ENPP6: variants seen among roughly 807,000 people sequenced by gnomAD.
ENPP6 encodes the protein ectonucleotide pyrophosphatase/phosphodiesterase 6.
In ENPP6, 32 loss-of-function variants were observed where a neutral mutation model predicts 42.0. The observed-to-expected ratio is 0.76, with a 90% CI of 0.58 to 1.02. ENPP6 has a LOEUF of 1.02. ENPP6 is among the 50% of genes least tolerant of loss of function. The pLI is 0.00. For missense variants in ENPP6, 552 were observed against 566.8 expected (o/e 0.97, Z 0.27); for synonymous variants, 213 against 216.0 (o/e 0.99, Z 0.12).
intron 6 of ENPP6, among the ~76,000 whole-genome samples, chr4:184,109,230 C>CA (rs1178618298): frequency 7.3e-4 from 81 of 111,200 alleles, no homozygotes; most frequent in African/African-American, 2.4e-3. Context: ...ACAACAACAA[C>CA]AACAAAAAAA....
chr4:184,202,675 G>A (rs568859646), intron 1 of ENPP6, among the ~76,000 whole-genome samples: 1 of 152,260 alleles, frequency 6.6e-6, no homozygotes, highest in Admixed American at 6.5e-5. Flanking sequence ...TCATTTAGAA[G>A]TTGCTTTTTT....
chr4:184,139,623 T>C, intron 2 of ENPP6, among the ~76,000 whole-genome samples: 1 of 125,392 alleles, frequency 8.0e-6, no homozygotes, highest in Non-Finnish European at 1.7e-5. Flanking sequence ...GGTTTTTTGT[T>C]CTTGCGATAG....
chr4:184,092,549 A>G (rs1035233516), intron 7 of ENPP6, among the ~76,000 whole-genome samples: 2 of 152,236 alleles, frequency 1.3e-5, no homozygotes, highest in African/African-American at 4.8e-5. Flanking sequence ...ATTTCAATCA[A>G]GGGATTTCTT....
intron 2 of ENPP6, among the ~76,000 whole-genome samples, chr4:184,128,343 G>C (rs964832082): frequency 6.6e-6 from 1 of 152,046 alleles, no homozygotes; most frequent in African/African-American, 2.4e-5. Context: ...ACCATGCCTG[G>C]CTAATTTTTG....
At chr4:184,139,366 A>G (rs555937314) in intron 2 of ENPP6, among the ~76,000 whole-genome samples, 18 of 150,214 alleles carry the variant, frequency 1.2e-4, no homozygotes, top group Non-Finnish European at 2.5e-4. Context: ...TAAATTTATT[A>G]TTATTATACT....
At chr4:184,135,974 A>AT in intron 2 of ENPP6, among the ~76,000 whole-genome samples, 1 of 152,272 alleles carries the variant, frequency 6.6e-6, no homozygotes, top group African/African-American at 2.4e-5. Flanking sequence ...ATTTTCTGAT[A>AT]TTTTTGTGTT....
chr4:184,092,845 T>C (rs1288916496), intron 7 of ENPP6, among the ~76,000 whole-genome samples: 1 of 152,250 alleles, frequency 6.6e-6, no homozygotes, highest in Non-Finnish European at 1.5e-5. Context: ...ATAATCTTTG[T>C]AATTGCTTTG....
intron 1 of ENPP6, among the ~76,000 whole-genome samples, chr4:184,206,879 G>T (rs1183698152): frequency 1.3e-5 from 2 of 152,220 alleles, no homozygotes; most frequent in African/African-American, 2.4e-5. Context: ...CTGCTTCCCG[G>T]ACTGTCTTGG....
chr4:184,183,318 A>G (rs6842767), intron 1 of ENPP6, among the ~76,000 whole-genome samples: 17,196 of 152,238 alleles, frequency 0.11, 1,350 homozygotes, highest in African/African-American at 0.23. Flanking sequence ...TTAGATTGGC[A>G]TCCTTTGCAC....
At chr4:184,093,915 T>C (rs992829466) in intron 7 of ENPP6, among the ~76,000 whole-genome samples, 1 of 152,072 alleles carries the variant, frequency 6.6e-6, no homozygotes, top group African/African-American at 2.4e-5. Context: ...GGCCATGCCT[T>C]GCTGTGTGTG....
intron 6 of ENPP6, among the ~76,000 whole-genome samples, chr4:184,112,058 G>A (rs1281766291): frequency 6.6e-6 from 1 of 152,184 alleles, no homozygotes; most frequent in Non-Finnish European, 1.5e-5. Context: ...GGAATGAACT[G>A]TAAACATGAC....
Position 184,099,560 on chromosome 4 carries a change from G to A in ENPP6, c.994-2192C>T, listed in dbSNP as rs574676128. Among the ~76,000 whole-genome samples, 19 of 152,366 alleles carry A rather than the reference G, an allele frequency of 1.2e-4. No individual in the cohort carries two copies. In the East Asian group the frequency reaches 3.3e-3, roughly 26 times the overall value. The stretch of plus-strand genomic sequence containing the variant: ...TGCCCGGGCAGTATGCAGCCGGGCA[G>A]TGTGGGTTGTGAGGGCTGAGCCTGC... On this transcript the variant is annotated intron_variant, in intron 6 of 7. Transcript: ENST00000296741.
rs536202296 is a variant in ENPP6, at chr4:184,206,358, C to T, written c.241+11221G>A. On this transcript the variant is annotated intron_variant, in intron 1 of 7. Coordinates refer to ENST00000296741, the MANE Select transcript of ENPP6 (RefSeq NM_153343.4). ...CTGCAAGCTCCGCCTCCCGGGTTCCCGCCATTCTCCTGCCTCAGCCTCCCG... is the reference window on the plus strand; with the variant it reads ...CTGCAAGCTCCGCCTCCCGGGTTCCTGCCATTCTCCTGCCTCAGCCTCCCG... Among the ~76,000 whole-genome samples, 8 of 114,570 alleles carry T rather than the reference C, an allele frequency of 7.0e-5. No homozygotes were observed. In the South Asian group the frequency reaches 2.1e-3, roughly 30 times the overall value. The allele number at this position is 114,570 out of a possible 152,430, so 75.2% of individuals were successfully genotyped here. A position where few individuals can be genotyped will look rare whatever the true frequency, so the allele number is the denominator to read the frequency against.
intron 1 of ENPP6, among the ~76,000 whole-genome samples, chr4:184,178,094 A>G (rs970717042): frequency 6.6e-6 from 1 of 152,202 alleles, no homozygotes; most frequent in Non-Finnish European, 1.5e-5. Context: ...AGCATGTTCT[A>G]ACCCAATGCA....
chr4:184,186,896 C>T (rs1454703700), intron 1 of ENPP6, among the ~76,000 whole-genome samples: 1 of 152,198 alleles, frequency 6.6e-6, no homozygotes, highest in Non-Finnish European at 1.5e-5. Context: ...TACCCCCCTA[C>T]TCAGAACCCT....
intron 2 of ENPP6, among the ~76,000 whole-genome samples, chr4:184,131,187 T>TCTGTCTGTCTG (rs1736611313): frequency 1.5e-5 from 1 of 65,218 alleles, no homozygotes; most frequent in African/African-American, 6.7e-5. Context: ...CTTTCTTTCT[T>TCTGTCTGTCTG]TCTTTCTTTC....
At chr4:184,109,662 C>T (rs533035802) in intron 6 of ENPP6, among the ~76,000 whole-genome samples, 48 of 152,178 alleles carry the variant, frequency 3.2e-4, no homozygotes, top group Non-Finnish European at 6.3e-4. Context: ...TTCTACTTCA[C>T]TTATCTTTGA....
At chr4:184,108,378 T>A (rs1736138955) in intron 6 of ENPP6, among the ~76,000 whole-genome samples, 1 of 152,188 alleles carries the variant, frequency 6.6e-6, no homozygotes, top group African/African-American at 2.4e-5. Flanking sequence ...GGGCAAAACT[T>A]AACATTCTTT....
chr4:184,158,983 T>C (rs1220605754), intron 1 of ENPP6, among the ~76,000 whole-genome samples: 1 of 152,232 alleles, frequency 6.6e-6, no homozygotes, highest in East Asian at 1.9e-4. Flanking sequence ...CAAAGTTATT[T>C]TCCAGTACAG....
Sources: allele counts gnomAD v4.1 joint callset (sites outside exome capture counted in the v4.1 genomes callset), GRCh38; gene constraint gnomAD v4.1.1; transcripts MANE v1.5; gene names NCBI Gene and HGNC (gene_info 2026-07-23, HGNC 2026-07-21).